The following ALG1 variants were observed in gnomAD, a reference collection of about 807,000 sequenced individuals.
ALG1 encodes the protein chitobiosyldiphosphodolichol beta-mannosyltransferase.
ALG1 carries 58 observed loss-of-function variants against 55.1 expected under a neutral mutation model. That is an observed-to-expected ratio of 1.05 (90% CI 0.85 to 1.31). ALG1 has a LOEUF of 1.31. Ranked by LOEUF, ALG1 falls within the 50% of genes most tolerant of loss-of-function variation. ALG1 has a pLI of 0.00. For synonymous variants in ALG1, 309 were observed against 247.0 expected, an observed-to-expected ratio of 1.25 and a Z score of -2.35; for missense variants, 761 against 598.6, an observed-to-expected ratio of 1.27 and a Z score of -2.83.
intron 3 of ALG1, among the ~76,000 whole-genome samples, chr16:5,074,571 T>C (rs1944912307): frequency 6.6e-6 from 1 of 152,236 alleles, no homozygotes. Flanking sequence ...TTACAAATAG[T>C]GTGGCTCCAA....
Position 5,072,003 on chromosome 16 carries a change from C to A in ALG1, c.154C>A (p.His52Asn). ...DVGRSPRMQY[H>N]ALSLAMHGFS... is the part of the protein sequence containing the mutation. The stretch of plus-strand genomic sequence containing the variant: ...GGGCCGCAGCCCCCGTATGCAGTAC[C>A]ACGCGCTGTCGTTGGCCATGCACGG... The change falls in exon 1 of 13, where the codon CAC becomes AAC. Residue 52 changes from histidine to asparagine, a missense_variant. Physicochemically the swap from His to Asn is moderately conservative, Grantham distance 68. Transcript: ENST00000262374. 6.3e-7 allele frequency: 1 copy of A among 1,597,908 alleles called. No individual in the cohort carries two copies. The highest frequency in any genetic ancestry group is 2.3e-5 in the East Asian group (1 of 44,040).
intron 11 of ALG1, among the ~76,000 whole-genome samples, 167 bp downstream of exon 11, chr16:5,082,840 C>T (rs1957039954): frequency 6.6e-6 from 1 of 152,202 alleles, no homozygotes; most frequent in African/African-American, 2.4e-5. Flanking sequence ...TGGGCTGAGC[C>T]TCACTGAAGT....
rs1596252196 is a variant in ALG1, at chr16:5,073,208, G to A, written c.342G>A (p.Leu114=). ...AAGTTGTACTTCAGGCTATGTACTTGCTGTGGAAGTTGATGTGGAGGGAGC... is the reference window on the plus strand; with the variant it reads ...AAGTTGTACTTCAGGCTATGTACTTACTGTGGAAGTTGATGTGGAGGGAGC... The part of the protein sequence containing the change: ...GVKVVLQAMY[L]LWKLMWREPG... The change falls in exon 3 of 13, where the codon TTG becomes TTA. Residue 114 remains leucine (L), a synonymous_variant. Coordinates refer to ENST00000262374, the MANE Select transcript of ALG1 (RefSeq NM_019109.5). 3 of 1,614,054 alleles carry A rather than the reference G, an allele frequency of 1.9e-6. No homozygotes were observed. The highest frequency in any genetic ancestry group is 2.5e-6 in the Non-Finnish European group (3 of 1,180,048).
chr16:5,079,584 G>T lies in ALG1; in HGVS notation c.902-164G>T, dbSNP rs1193395139. On this transcript the variant is annotated intron_variant, in intron 8 of 12. Coordinates refer to ENST00000262374, the MANE Select transcript of ALG1 (RefSeq NM_019109.5). ...GGCGCCTGTCATCCCAGCTACTTGG[G>T]AGGCTGATGCACGAGAATTACTTGA... Among the ~76,000 whole-genome samples, 5 of 152,204 alleles carry T rather than the reference G, an allele frequency of 3.3e-5. No individual in the cohort carries two copies. The East Asian group carries it at 9.6e-4, about 29-fold the overall frequency.
At chr16:5,076,636 C>G (rs1226156445) in intron 4 of ALG1, among the ~76,000 whole-genome samples, 2 of 152,182 alleles carry the variant, frequency 1.3e-5, no homozygotes, top group African/African-American at 2.4e-5. Flanking sequence ...CCGGCTCTAC[C>G]CTGCGATCAG....
Position 5,071,882 on chromosome 16 carries a change from G to C in ALG1, c.33G>C (p.Leu11=). The change falls in exon 1 of 13, where the codon CTG becomes CTC. Residue 11 remains leucine (L), a synonymous_variant. Transcript: ENST00000262374. MAASCLVLLA[L]CLLLPLLLLG... is the part of the protein sequence containing the mutation. ...CCTCATGCTTGGTCCTGCTGGCGCT[G>C]TGTCTGCTGCTGCCGCTGCTGCTGC... is the stretch of plus-strand genomic sequence containing the variant. The C allele has an allele frequency of 1.9e-6, 3 of 1,603,814 alleles. No homozygotes were observed. Among genetic ancestry groups the C allele is most frequent in the African/African-American group, 1.3e-5 (1 of 74,902 alleles).
At chr16:5,080,227 C>A (rs1175542799) in intron 9 of ALG1, among the ~76,000 whole-genome samples, 4 of 151,810 alleles carry the variant, frequency 2.6e-5, no homozygotes, top group African/African-American at 9.7e-5. Context: ...ACCACAACTG[C>A]CTAATTTTTG....
At chr16:5,078,382 C>T (rs997127157) in intron 6 of ALG1, 37 of 589,756 alleles carry the variant, frequency 6.3e-5, no homozygotes, top group Non-Finnish European at 1.2e-4. Context: ...CTGTGTGTCC[C>T]CTGGGGTGTC....
At chr16:5,081,309 T>C (rs1455235363) in intron 10 of ALG1, among the ~76,000 whole-genome samples, 1 of 152,076 alleles carries the variant, frequency 6.6e-6, no homozygotes, top group Admixed American at 6.5e-5. Context: ...TCTTCCTTCC[T>C]GCAGGAGGGC....
At chr16:5,079,910 C>A (rs1956986200) in intron 9 of ALG1, 103 bp downstream of exon 9, 2 of 1,409,770 alleles carry the variant, frequency 1.4e-6, no homozygotes, top group South Asian at 1.2e-5. Context: ...CTCCTTAATC[C>A]TCACTGCAGC....
At chr16:5,083,500 C>G (rs889895567) in intron 11 of ALG1, among the ~76,000 whole-genome samples, 182 bp from the exon 12 acceptor site, 3 of 152,034 alleles carry the variant, frequency 2.0e-5, no homozygotes, top group Non-Finnish European at 2.9e-5. Flanking sequence ...TTGATGTGCA[C>G]CCCCCCAGGC....
Position 5,085,879 on chromosome 16 carries a change from G to A in ALG1, c.*998G>A, listed in dbSNP as rs1957145833. ...TTCACAGGTTCCCAGGCCCACCCAG[G>A]TGCCTAGAATTGGCCTCCAGGATGG... is the stretch of plus-strand genomic sequence containing the variant. On this transcript the variant is annotated 3_prime_UTR_variant, in exon 13 of 13. Coordinates refer to ENST00000262374, the MANE Select transcript of ALG1 (RefSeq NM_019109.5). 4 of 706,632 alleles carry A rather than the reference G, an allele frequency of 5.7e-6. No homozygotes were observed. The highest frequency in any genetic ancestry group is 1.0e-5 in the Non-Finnish European group (4 of 384,900). 43.8% of individuals were successfully genotyped at this position (706,632 alleles called of 1,614,324 possible). A position where few individuals can be genotyped will look rare whatever the true frequency, so the allele number is the denominator to read the frequency against.
At chr16:5,072,233 C>A (rs1956829154) in intron 1 of ALG1, 176 bp downstream of exon 1, 1 of 1,509,480 alleles carries the variant, frequency 6.6e-7, no homozygotes, top group African/African-American at 1.4e-5. Flanking sequence ...TAGGTATAGC[C>A]GGCGTTAATC....
chr16:5,073,031 A>T lies in ALG1; in HGVS notation c.286+3A>T. ...GACAGAACTTCAGAGTCTTGCAGGT[A>T]GGATGCCGTCAACTCCAGAATCCTC... is the stretch of plus-strand genomic sequence containing the variant. On this transcript the variant is annotated splice_donor_region_variant and intron_variant, in intron 2 of 12. Coordinates refer to ENST00000262374, the MANE Select transcript of ALG1 (RefSeq NM_019109.5). 6.2e-7 allele frequency: 1 copy of T among 1,614,098 alleles called. No individual in the cohort carries two copies. The highest frequency in any genetic ancestry group is 8.5e-7 in the Non-Finnish European group (1 of 1,179,934).
intron 5 of ALG1, 148 bp downstream of exon 5, chr16:5,077,682 G>T: frequency 9.8e-7 from 1 of 1,016,886 alleles, no homozygotes; most frequent in South Asian, 1.3e-5. Context: ...TGGGGAAGCT[G>T]GGGGAGGAGG....
intron 4 of ALG1, 147 bp downstream of exon 4, chr16:5,075,683 G>T: frequency 9.8e-7 from 1 of 1,016,120 alleles, no homozygotes; most frequent in South Asian, 1.3e-5. Context: ...CCGAATGCTG[G>T]TTCCAAATGA....
At chr16:5,078,063 C>A in intron 6 of ALG1, 46 bp downstream of exon 6, 1 of 1,585,444 alleles carries the variant, frequency 6.3e-7, no homozygotes, top group South Asian at 1.1e-5. Flanking sequence ...TCGCCACTGC[C>A]CTGGCCTCTC....
chr16:5,071,995 T>G lies in ALG1; in HGVS notation c.146T>G (p.Met49Arg). ...VLGDVGRSPR[M>R]QYHALSLAMH... ...GGCGACGTGGGCCGCAGCCCCCGTATGCAGTACCACGCGCTGTCGTTGGCC... is the reference window on the plus strand; with the variant it reads ...GGCGACGTGGGCCGCAGCCCCCGTAGGCAGTACCACGCGCTGTCGTTGGCC... The change falls in exon 1 of 13, where the codon ATG becomes AGG. Residue 49 changes from methionine (M) to arginine (R), a missense_variant. Coordinates refer to ENST00000262374, the MANE Select transcript of ALG1 (RefSeq NM_019109.5). The G allele has an allele frequency of 6.3e-7, 1 of 1,598,034 alleles. No individual in the cohort carries two copies. The highest frequency in any genetic ancestry group is 1.1e-5 in the South Asian group (1 of 88,896).
intron 9 of ALG1, 112 bp downstream of exon 9, chr16:5,079,919 G>A (rs1956986370): frequency 3.6e-6 from 5 of 1,385,528 alleles, no homozygotes; most frequent in Non-Finnish European, 4.1e-6. Flanking sequence ...CCTCACTGCA[G>A]CTCTGCCATA....
Sources: gnomAD v4.1 joint callset for allele counts (sites outside exome capture counted in the v4.1 genomes callset) on GRCh38, gnomAD v4.1.1 for gene constraint, MANE v1.5 for transcripts, NCBI Gene and HGNC (gene_info 2026-07-23, HGNC 2026-07-21) for gene names.